The following SV2C variants were observed in gnomAD, a reference collection of about 807,000 sequenced individuals.
SV2C encodes solute carrier family 22 member B3.
A neutral mutation model predicts 79.7 loss-of-function variants in SV2C; 49 were observed. The observed-to-expected ratio is 0.61, with a 90% CI of 0.49 to 0.78. SV2C has a LOEUF of 0.78. SV2C is among the 30% of genes least tolerant of loss of function. SV2C has a pLI of 0.00. For missense variants in SV2C, 833 were observed against 912.9 expected (o/e 0.91, Z 1.13); for synonymous variants, 334 against 333.2 (o/e 1.00, Z -0.03).
At chr5:76,013,688 A>G in the SV2C span, among the ~76,000 whole-genome samples, 13 of 152,162 alleles carry the variant, frequency 8.5e-5, no homozygotes, top group Non-Finnish European at 1.9e-4. Flanking sequence ...AAAGTAATTT[A>G]TAAAAATAAT....
At chr5:75,992,686 G>T in the SV2C span, among the ~76,000 whole-genome samples, 1 of 151,966 alleles carries the variant, frequency 6.6e-6, no homozygotes, top group Admixed American at 6.6e-5. Flanking sequence ...TGGTAAATCC[G>T]TGTGACATTT....
chr5:76,177,634 G>A (rs1449634976), intron 2 of SV2C, among the ~76,000 whole-genome samples: 2 of 152,202 alleles, frequency 1.3e-5, no homozygotes, highest in Non-Finnish European at 2.9e-5. Context: ...GGGAACTACT[G>A]TATGCTATTC....
intron 1 of SV2C, among the ~76,000 whole-genome samples, chr5:76,121,102 A>G (rs1216165012): frequency 3.3e-5 from 5 of 150,344 alleles, no homozygotes; most frequent in Non-Finnish European, 7.4e-5. Context: ...TTTGATTTGC[A>G]TTTCTCTGAT....
chr5:76,064,917 T>C, the SV2C span, among the ~76,000 whole-genome samples: 1 of 152,220 alleles, frequency 6.6e-6, no homozygotes, highest in Non-Finnish European at 1.5e-5. Flanking sequence ...CAGAGAAAGC[T>C]ATTTTCCTGT....
chr5:76,155,264 C>T (rs1472621396), intron 2 of SV2C, among the ~76,000 whole-genome samples: 2 of 152,174 alleles, frequency 1.3e-5, no homozygotes, highest in Non-Finnish European at 2.9e-5. Flanking sequence ...ATTTTATTTT[C>T]CTTTCACCAG....
chr5:76,248,924 G>T (rs1440127110), intron 4 of SV2C, among the ~76,000 whole-genome samples: 1 of 152,124 alleles, frequency 6.6e-6, no homozygotes, highest in African/African-American at 2.4e-5. Context: ...TGGCCTCAGT[G>T]AACAATTTTT....
In SV2C at chr5:76,299,048, C is replaced by A. The variant is rs1297243881; in HGVS notation, c.1636+121C>A. The A allele has an allele frequency of 1.2e-5, 14 of 1,175,570 alleles. No homozygotes were observed. The East Asian group carries it at 3.1e-4, about 26-fold the overall frequency. The allele number at this position is 1,175,570 out of a possible 1,614,324, so 72.8% of individuals were successfully genotyped here. A position where few individuals can be genotyped will look rare whatever the true frequency, so the allele number is the denominator to read the frequency against. ...AGTGGATATTAAAGAATAAATGGAACAAGTTCTCTAAATCAGGTTGGATCA... is the reference window on the plus strand; with the variant it reads ...AGTGGATATTAAAGAATAAATGGAAAAAGTTCTCTAAATCAGGTTGGATCA... On this transcript the variant is annotated intron_variant, in intron 10 of 12. Transcript: ENST00000502798.
At chr5:76,261,225 A>G (rs746559389) in intron 4 of SV2C, among the ~76,000 whole-genome samples, 2 of 152,100 alleles carry the variant, frequency 1.3e-5, no homozygotes, top group Admixed American at 6.6e-5. Flanking sequence ...GAGGTCACTC[A>G]TGATTTGGCT....
chr5:75,851,083 G>A, the SV2C span, among the ~76,000 whole-genome samples: 2 of 152,132 alleles, frequency 1.3e-5, no homozygotes, highest in Non-Finnish European at 2.9e-5. Context: ...GAATTTAATC[G>A]TTAAATCCCA....
chr5:76,015,975 A>C, the SV2C span, among the ~76,000 whole-genome samples: 1 of 152,036 alleles, frequency 6.6e-6, no homozygotes, highest in Non-Finnish European at 1.5e-5. Context: ...GTCTGTATTA[A>C]ATGGGCTTTT....
chr5:75,972,150 C>A, the SV2C span, among the ~76,000 whole-genome samples: 1 of 152,130 alleles, frequency 6.6e-6, no homozygotes, highest in East Asian at 1.9e-4. Context: ...TGGATCCCTT[C>A]CTTACACCTT....
the SV2C span, among the ~76,000 whole-genome samples, chr5:76,026,088 T>C: frequency 6.6e-6 from 1 of 151,932 alleles, no homozygotes; most frequent in East Asian, 1.9e-4. Context: ...CCAATTATAG[T>C]TGGAAATGGA....
chr5:76,101,611 A>C (rs1176305239), intron 1 of SV2C, among the ~76,000 whole-genome samples: 1 of 152,188 alleles, frequency 6.6e-6, no homozygotes, highest in Non-Finnish European at 1.5e-5. Context: ...AGTACTTAAA[A>C]GCTATGAAGA....
At chr5:76,082,404 C>T (rs1414071837), upstream of SV2C, 1 of 152,144 alleles carries the variant, frequency 6.6e-6, no homozygotes, top group African/African-American at 2.4e-5. Flanking sequence ...CTCCTGCACG[C>T]CAAGGGGAGA....
At chr5:76,079,043 C>G (rs1036005644), upstream of SV2C, 1 of 410,168 alleles carries the variant, frequency 2.4e-6, no homozygotes, top group African/African-American at 2.1e-5. Context: ...AGACATTGGT[C>G]CACCACCGAT....
the SV2C span, among the ~76,000 whole-genome samples, chr5:76,030,709 C>T: frequency 4.6e-5 from 7 of 151,512 alleles, no homozygotes; most frequent in African/African-American, 1.5e-4. Flanking sequence ...CTGCAGTGAG[C>T]TGAGATCGTG....
the SV2C span, among the ~76,000 whole-genome samples, chr5:75,869,998 T>C: frequency 1.3e-4 from 20 of 151,998 alleles, no homozygotes; most frequent in African/African-American, 4.8e-4. Context: ...AACACTCAAG[T>C]CCTTTCAAAT....
chr5:76,230,362 T>C (rs1030203646), intron 4 of SV2C, among the ~76,000 whole-genome samples: 3 of 152,198 alleles, frequency 2.0e-5, no homozygotes, highest in Non-Finnish European at 2.9e-5. Flanking sequence ...AATGATGTGG[T>C]ACCATGATAT....
chr5:76,135,824 A>AG (rs1014376453), intron 2 of SV2C, among the ~76,000 whole-genome samples: 10 of 152,104 alleles, frequency 6.6e-5, no homozygotes, highest in Middle Eastern at 3.4e-3. Context: ...GTGGTTGTTG[A>AG]GGGGGGCAGG....
Sources: allele counts gnomAD v4.1 joint callset (sites outside exome capture counted in the v4.1 genomes callset), GRCh38; gene constraint gnomAD v4.1.1; transcripts MANE v1.5; gene names NCBI Gene and HGNC (gene_info 2026-07-23, HGNC 2026-07-21).